The following NAALADL2 variants were observed in gnomAD, a reference collection of about 807,000 sequenced individuals.
NAALADL2 encodes N-acetylated alpha-linked acidic dipeptidase like 2.
In NAALADL2, 76 loss-of-function variants were observed where a neutral mutation model predicts 87.2. That is an observed-to-expected ratio of 0.87 (90% CI 0.72 to 1.05). The LOEUF is 1.05. NAALADL2 is among the 50% of genes least tolerant of loss of function. The pLI, the probability that NAALADL2 is intolerant of heterozygous loss-of-function variation, is 0.00. For missense variants in NAALADL2, 1,089 were observed against 945.8 expected, an observed-to-expected ratio of 1.15 and a Z score of -1.99; for synonymous variants, 354 against 331.0, an observed-to-expected ratio of 1.07 and a Z score of -0.75.
chr3:175,779,004 T>G (rs192696211), intron 13 of NAALADL2, among the ~76,000 whole-genome samples: 10 of 152,262 alleles, frequency 6.6e-5, no homozygotes, highest in Admixed American at 5.2e-4. Flanking sequence ...AGTTGAATGC[T>G]TATATATTAG....
At chr3:174,976,526 C>T (rs1744384489) in intron 1 of NAALADL2, among the ~76,000 whole-genome samples, 1 of 152,154 alleles carries the variant, frequency 6.6e-6, no homozygotes, top group South Asian at 2.1e-4. Context: ...AAAGCAGCTT[C>T]TTAAGCTGAA....
At position 175,314,703 on chromosome 3, in the gene NAALADL2, T is replaced by A. The variant is rs1758902339; in HGVS notation, c.940-9472T>A. On this transcript the variant is annotated intron_variant, in intron 4 of 13. Coordinates refer to ENST00000454872, the MANE Select transcript of NAALADL2 (RefSeq NM_207015.3). ...ATATATATATATATATATATATATA[T>A]ATATATATATATATATATAGTTAGA... is the stretch of plus-strand genomic sequence containing the variant. Among the ~76,000 whole-genome samples, 4 of 91,312 alleles carry A rather than the reference T, an allele frequency of 4.4e-5. No individual in the cohort carries two copies. The South Asian group carries it at 1.0e-3, about 24-fold the overall frequency. 59.9% of individuals were successfully genotyped at this position (91,312 alleles called of 152,430 possible). A position where few individuals can be genotyped will look rare whatever the true frequency, so the allele number is the denominator to read the frequency against.
chr3:175,495,065 A>G (rs1446520191), intron 9 of NAALADL2, among the ~76,000 whole-genome samples: 1 of 140,636 alleles, frequency 7.1e-6, no homozygotes, highest in Admixed American at 7.2e-5. Context: ...CATCTGTATA[A>G]GCAATCCCAT....
chr3:174,781,463 A>C (rs1367180385), intron 3 of NAALADL2, among the ~76,000 whole-genome samples: 1 of 149,750 alleles, frequency 6.7e-6, no homozygotes, highest in African/African-American at 2.5e-5. Flanking sequence ...GGAGAATGGA[A>C]CCCTCAAAAT....
chr3:175,079,728 T>C (rs1307315723), intron 1 of NAALADL2, among the ~76,000 whole-genome samples: 1 of 152,182 alleles, frequency 6.6e-6, no homozygotes, highest in African/African-American at 2.4e-5. Context: ...AAAAGGAATA[T>C]GCAAGCTTCT....
intron 5 of NAALADL2, among the ~76,000 whole-genome samples, chr3:175,398,527 C>G (rs555892655): frequency 6.9e-6 from 1 of 144,654 alleles, no homozygotes; most frequent in Admixed American, 7.2e-5. Flanking sequence ...AGAGAGACCA[C>G]TAAAAACAAC....
At chr3:175,304,686 T>A (rs1225936132) in intron 4 of NAALADL2, among the ~76,000 whole-genome samples, 2 of 152,152 alleles carry the variant, frequency 1.3e-5, no homozygotes, top group African/African-American at 4.8e-5. Flanking sequence ...TCTAGGGACA[T>A]GGTCAAACTA....
At chr3:174,896,473 T>G (rs907973022) in intron 1 of NAALADL2, among the ~76,000 whole-genome samples, 3 of 151,972 alleles carry the variant, frequency 2.0e-5, no homozygotes, top group Admixed American at 6.6e-5. Flanking sequence ...AATTAAAGGA[T>G]CTCTATGATT....
intron 2 of NAALADL2, among the ~76,000 whole-genome samples, chr3:175,121,490 C>T (rs10433470): frequency 0.36 from 54,045 of 151,606 alleles, 9,967 homozygotes; most frequent in East Asian, 0.52. Flanking sequence ...ACTTTCATTA[C>T]TGGCTGTGGT....
intron 3 of NAALADL2, among the ~76,000 whole-genome samples, chr3:174,763,836 A>T (rs929694825): frequency 8.7e-5 from 13 of 149,864 alleles, no homozygotes; most frequent in Admixed American, 6.7e-5. Context: ...AAACAAAAAA[A>T]AAAAAACAAA....
chr3:175,015,469 T>A (rs1332358509), intron 1 of NAALADL2, among the ~76,000 whole-genome samples: 1 of 152,146 alleles, frequency 6.6e-6, no homozygotes, highest in African/African-American at 2.4e-5. Context: ...GACTGACTTT[T>A]TTTTATCTTC....
chr3:174,951,240 C>T (rs1001201932), intron 1 of NAALADL2, among the ~76,000 whole-genome samples: 1 of 151,900 alleles, frequency 6.6e-6, no homozygotes, highest in African/African-American at 2.4e-5. Flanking sequence ...GCAAAAATAC[C>T]TTCATGAGTC....
chr3:174,880,953 A>C (rs1729112482), intron 1 of NAALADL2, among the ~76,000 whole-genome samples: 1 of 152,080 alleles, frequency 6.6e-6, no homozygotes, highest in Admixed American at 6.6e-5. Flanking sequence ...CTTGAAGCTG[A>C]AGAACTCTAA....
intron 11 of NAALADL2, among the ~76,000 whole-genome samples, chr3:175,697,664 G>A (rs554971403): frequency 6.6e-6 from 1 of 150,804 alleles, no homozygotes; most frequent in South Asian, 2.1e-4. Flanking sequence ...CATTATGATT[G>A]TCCCAAAGTT....
intron 3 of NAALADL2, among the ~76,000 whole-genome samples, chr3:174,808,243 C>A (rs1719732991): frequency 6.6e-6 from 1 of 151,944 alleles, no homozygotes; most frequent in African/African-American, 2.4e-5. Context: ...ATTCCTTTTT[C>A]ACAATATAAA....
intron 5 of NAALADL2, chr3:175,369,454 T>C (rs1460101790): frequency 1.3e-5 from 2 of 150,136 alleles, no homozygotes. Context: ...ATGTTACATT[T>C]ACATACACCT....
rs71624288 is a variant in NAALADL2, at chr3:174,642,749, C to CATATAT, written c.-115+92147_-115+92152dup. ...GTAATATCAGTGCCATGAAAAAAAA[C>CATATAT]ATATATATATATATATATATATATA... On this transcript the variant is annotated intron_variant, in intron 2 of 3. Transcript: ENST00000434257. Among the ~76,000 whole-genome samples the CATATAT allele has an allele frequency of 6.4e-3, 837 of 129,870 alleles. 8 individuals are homozygous for CATATAT. The highest frequency in any genetic ancestry group is 9.1e-3 in the Non-Finnish European group (551 of 60,268). 85.2% of individuals were successfully genotyped at this position (129,870 alleles called of 152,430 possible).
At chr3:175,069,936 C>T (rs1353261430) in intron 1 of NAALADL2, among the ~76,000 whole-genome samples, 1 of 148,428 alleles carries the variant, frequency 6.7e-6, no homozygotes, top group Non-Finnish European at 1.5e-5. Flanking sequence ...ACCGCATATT[C>T]TCACTCATAG....
chr3:175,579,654 T>C (rs1348662493), intron 10 of NAALADL2, among the ~76,000 whole-genome samples: 3 of 152,172 alleles, frequency 2.0e-5, no homozygotes, highest in Admixed American at 6.5e-5. Context: ...GGTTTTAGAT[T>C]TATTAACACC....
Sources: allele counts gnomAD v4.1 joint callset (sites outside exome capture counted in the v4.1 genomes callset), GRCh38; gene constraint gnomAD v4.1.1; transcripts MANE v1.5; gene names NCBI Gene and HGNC (gene_info 2026-07-23, HGNC 2026-07-21).